LRP1B: variants seen among roughly 807,000 people sequenced by gnomAD.
LRP1B encodes LDL receptor related protein 1B.
A neutral mutation model predicts 556.6 loss-of-function variants in LRP1B; 217 were observed. The observed-to-expected ratio is 0.39, with a 90% CI of 0.35 to 0.44. The LOEUF is 0.44. Among genes scored for constraint, LRP1B ranks in the 20% least tolerant of loss-of-function variants. The probability of loss-of-function intolerance (pLI) is 1.00; values close to 1 mark genes in which losing one functional copy is unlikely to be tolerated. For synonymous variants in LRP1B, 2,047 were observed against 1,865.8 expected (o/e 1.10, Z -2.50); for missense variants, 5,053 against 5,620.8 (o/e 0.90, Z 3.23).
intron 41 of LRP1B, among the ~76,000 whole-genome samples, chr2:140,663,175 T>C (rs1484460738): frequency 1.3e-5 from 2 of 152,170 alleles, no homozygotes; most frequent in East Asian, 3.8e-4. Context: ...GTATTTGACA[T>C]TCTGAAATTC....
rs549829617 is a variant in LRP1B, at chr2:140,232,964, A to G, written c.*222T>C. On this transcript the variant is annotated 3_prime_UTR_variant, in exon 91 of 91. Coordinates refer to ENST00000389484, the MANE Select transcript of LRP1B (RefSeq NM_018557.3). ...TGTCATATCAGCAGCATTGTTGTAA[A>G]TTGTACTGTAGTGCAGTTCTTTTTC... 13 of 348,258 alleles carry G rather than the reference A, an allele frequency of 3.7e-5. No individual in the cohort carries two copies. The East Asian group carries it at 5.7e-4, about 15-fold the overall frequency. The allele number at this position is 348,258 out of a possible 1,614,324, so 21.6% of individuals were successfully genotyped here. A position where few individuals can be genotyped will look rare whatever the true frequency, so the allele number is the denominator to read the frequency against.
rs1223040489 is a variant in LRP1B, at chr2:140,306,082, G to T, written c.12806-8113C>A. ...GTATTTTATTCAGGATTTTTGCATC[G>T]ATATTCATCAGGTATATTGGTCTAA... On this transcript the variant is annotated intron_variant, in intron 83 of 90. Transcript: ENST00000389484. Among the ~76,000 whole-genome samples the T allele has an allele frequency of 3.8e-5, 5 of 129,922 alleles. 1 individual carries two copies. The highest frequency in any genetic ancestry group is 1.3e-4 in the African/African-American group (5 of 38,494). The allele number at this position is 129,922 out of a possible 152,430, so 85.2% of individuals were successfully genotyped here.
chr2:140,560,538 T>C (rs1022708587), intron 43 of LRP1B, among the ~76,000 whole-genome samples: 1 of 152,096 alleles, frequency 6.6e-6, no homozygotes, highest in African/African-American at 2.4e-5. Context: ...AACAATTTCA[T>C]AACAATAAAC....
chr2:141,533,487 A>G (rs1250861963), intron 2 of LRP1B, among the ~76,000 whole-genome samples: 2 of 152,218 alleles, frequency 1.3e-5, no homozygotes, highest in African/African-American at 4.8e-5. Context: ...ACATTTATAC[A>G]TGTACTTGGT....
chr2:141,042,853 C>G (rs904129899), intron 11 of LRP1B, among the ~76,000 whole-genome samples: 2 of 151,746 alleles, frequency 1.3e-5, no homozygotes, highest in African/African-American at 4.8e-5. Flanking sequence ...GCCAAACTTG[C>G]ATCTAATTAT....
chr2:140,234,965 A>T, intron 89 of LRP1B, 81 bp from the exon 90 acceptor site: 2 of 651,844 alleles, frequency 3.1e-6, no homozygotes, highest in East Asian at 2.7e-5. Flanking sequence ...GTTAATTCAT[A>T]AAAATAACAT....
chr2:140,964,201 T>C (rs886447906), intron 18 of LRP1B, among the ~76,000 whole-genome samples: 2 of 152,136 alleles, frequency 1.3e-5, no homozygotes, highest in African/African-American at 2.4e-5. Flanking sequence ...TCAGGGACTA[T>C]TAGTATTTTC....
chr2:141,837,498 A>G (rs970938279), intron 1 of LRP1B, among the ~76,000 whole-genome samples: 1 of 152,032 alleles, frequency 6.6e-6, no homozygotes, highest in African/African-American at 2.4e-5. Flanking sequence ...TTTCATTGTA[A>G]TCTTAAGGGT....
intron 41 of LRP1B, among the ~76,000 whole-genome samples, chr2:140,638,956 C>T (rs955644763): frequency 6.6e-6 from 1 of 151,422 alleles, no homozygotes; most frequent in Non-Finnish European, 1.5e-5. Context: ...CACCATTGTG[C>T]TTAATGTATA....
intron 1 of LRP1B, among the ~76,000 whole-genome samples, chr2:142,091,843 T>C (rs768944589): frequency 2.6e-4 from 40 of 152,292 alleles, no homozygotes; most frequent in African/African-American, 9.1e-4. Flanking sequence ...CCAATTTTGA[T>C]CAATGGAATA....
At chr2:141,146,526 A>C (rs2105070604) in intron 7 of LRP1B, among the ~76,000 whole-genome samples, 1 of 152,346 alleles carries the variant, frequency 6.6e-6, no homozygotes, top group South Asian at 2.1e-4. Flanking sequence ...GCTATAAATG[A>C]GATTCTCTAT....
At chr2:141,753,450 C>T (rs1176588808) in intron 2 of LRP1B, among the ~76,000 whole-genome samples, 2 of 151,646 alleles carry the variant, frequency 1.3e-5, no homozygotes, top group East Asian at 1.9e-4. Flanking sequence ...TACCTAAATG[C>T]TCACGCTGTC....
chr2:142,042,203 C>T (rs760868567), intron 1 of LRP1B, among the ~76,000 whole-genome samples: 92 of 151,260 alleles, frequency 6.1e-4, no homozygotes, highest in African/African-American at 2.2e-3. Context: ...GATAATAAGC[C>T]TTACTTGGCA....
In LRP1B at chr2:141,914,936, T is replaced by C. The variant is rs189252172; in HGVS notation, c.83-104535A>G. Among the ~76,000 whole-genome samples, 15 of 152,324 alleles carry C rather than the reference T, an allele frequency of 9.8e-5. No individual in the cohort carries two copies. In the East Asian group the frequency reaches 2.9e-3, roughly 29 times the overall value. On this transcript the variant is annotated intron_variant, in intron 1 of 90. Transcript: ENST00000389484. ...AAATGGCCATACTACCCAAAGTATC[T>C]ATAGATTCAATATTATTTCTGTCAA...
rs1327495492 is a variant in LRP1B, at chr2:141,457,808, A to G, written c.343+22588T>C. Among the ~76,000 whole-genome samples the G allele has an allele frequency of 3.9e-5, 6 of 152,198 alleles. No individual in the cohort carries two copies. In the East Asian group the frequency reaches 1.2e-3, roughly 29 times the overall value. Reference sequence around the variant, plus strand: ...GATAGTAAAATAAGAAAAGCAAGGCAGAAAATGGAAGCCCAGGGAAGAAGA... The same window carrying G: ...GATAGTAAAATAAGAAAAGCAAGGCGGAAAATGGAAGCCCAGGGAAGAAGA... On this transcript the variant is annotated intron_variant, in intron 3 of 90. Transcript: ENST00000389484.
intron 1 of LRP1B, among the ~76,000 whole-genome samples, chr2:142,014,838 A>G (rs1366460223): frequency 6.6e-6 from 1 of 152,170 alleles, no homozygotes; most frequent in East Asian, 1.9e-4. Flanking sequence ...AGCAGTCCCC[A>G]AAACCTATTC....
chr2:141,029,992 G>C (rs926462724), intron 11 of LRP1B, among the ~76,000 whole-genome samples: 1 of 152,104 alleles, frequency 6.6e-6, no homozygotes, highest in African/African-American at 2.4e-5. Flanking sequence ...TCCCATGGAA[G>C]ACAAAATTAT....
At chr2:141,742,291 G>A (rs565854895) in intron 2 of LRP1B, among the ~76,000 whole-genome samples, 196 of 131,716 alleles carry the variant, frequency 1.5e-3, no homozygotes, top group Non-Finnish European at 2.6e-3. Context: ...TTGCTCTGTT[G>A]CCTAGGCTGG....
intron 7 of LRP1B, among the ~76,000 whole-genome samples, chr2:141,109,606 C>A (rs1158133010): frequency 6.7e-6 from 1 of 148,754 alleles, no homozygotes; most frequent in Non-Finnish European, 1.5e-5. Context: ...GAAGATCCTG[C>A]AACCCTGAGA....
Sources: allele counts gnomAD v4.1 joint callset (sites outside exome capture counted in the v4.1 genomes callset), GRCh38; gene constraint gnomAD v4.1.1; transcripts MANE v1.5; gene names NCBI Gene and HGNC (gene_info 2026-07-23, HGNC 2026-07-21).